NLRP1: variants seen among roughly 807,000 people sequenced by gnomAD.
NLRP1 encodes NLR family pyrin domain containing 1.
A neutral mutation model predicts 136.7 loss-of-function variants in NLRP1; 94 were observed. The observed-to-expected ratio is 0.69, with a 90% CI of 0.58 to 0.82. The LOEUF is 0.82. Among genes scored for constraint, NLRP1 ranks in the 40% least tolerant of loss-of-function variants. The probability of loss-of-function intolerance (pLI) is 0.00; values close to 1 mark genes in which losing one functional copy is unlikely to be tolerated. For missense variants in NLRP1, 1,575 were observed against 1,802.7 expected (o/e 0.87, Z 2.29); for synonymous variants, 690 against 725.1 (o/e 0.95, Z 0.78).
intron 8 of NLRP1, among the ~76,000 whole-genome samples, chr17:5,535,941 G>A (rs1178908349): frequency 3.3e-5 from 5 of 152,148 alleles, no homozygotes; most frequent in Admixed American, 3.3e-4. Flanking sequence ...GAGGGTGGTG[G>A]GTGACGGTGA....
At chr17:5,538,889 A>G (rs1261876412) in intron 7 of NLRP1, among the ~76,000 whole-genome samples, 1 of 151,978 alleles carries the variant, frequency 6.6e-6, no homozygotes, top group Non-Finnish European at 1.5e-5. Flanking sequence ...TAATTAATTA[A>G]TTAATTTTTG....
intron 3 of NLRP1, among the ~76,000 whole-genome samples, chr17:5,570,832 C>G (rs186812172): frequency 6.6e-6 from 1 of 152,140 alleles, no homozygotes; most frequent in South Asian, 2.1e-4. Context: ...AGGACAATAT[C>G]TGTGATGAAC....
At position 5,552,892 on chromosome 17, in the gene NLRP1, A is replaced by G. The variant is rs551617861; in HGVS notation, c.2528+494T>C. ...ATTTTTCATGTTGCAGCCAGTTTCT[A>G]TTTTGAAAATGTACTGATCTTGTCA... On this transcript the variant is annotated intron_variant, in intron 5 of 16. Coordinates refer to ENST00000572272, the MANE Select transcript of NLRP1 (RefSeq NM_033004.4). 5.3e-5 allele frequency among the ~76,000 whole-genome samples: 8 copies of G among 152,272 alleles called. No individual in the cohort carries two copies. The South Asian group carries it at 1.7e-3, about 32-fold the overall frequency.
At chr17:5,517,581 T>A (rs1908321042) in intron 15 of NLRP1, among the ~76,000 whole-genome samples, 165 bp downstream of exon 15, 1 of 152,010 alleles carries the variant, frequency 6.6e-6, no homozygotes, top group South Asian at 2.1e-4. Flanking sequence ...AGAGATGGGG[T>A]TTCACCATAT....
intron 4 of NLRP1, among the ~76,000 whole-genome samples, chr17:5,555,017 T>TCA (rs55705436): frequency 0.036 from 5,068 of 142,332 alleles, 119 homozygotes; most frequent in African/African-American, 0.054. Context: ...TGAGATCCCA[T>TCA]CACACACACA....
chr17:5,506,298 A>T (rs1256644801), intron 15 of NLRP1, among the ~76,000 whole-genome samples: 5 of 151,990 alleles, frequency 3.3e-5, no homozygotes, highest in Non-Finnish European at 7.4e-5. Context: ...AAAAAAAAAA[A>T]AAATCATCAA....
intron 12 of NLRP1, among the ~76,000 whole-genome samples, chr17:5,526,939 G>A (rs1031921649): frequency 5.3e-5 from 8 of 152,222 alleles, no homozygotes; most frequent in East Asian, 1.9e-4. Flanking sequence ...GTTCAGCGAC[G>A]ACAGTGATGA....
intron 3 of NLRP1, among the ~76,000 whole-genome samples, chr17:5,573,042 A>C (rs1904586238): frequency 6.6e-6 from 1 of 152,170 alleles, no homozygotes; most frequent in African/African-American, 2.4e-5. Flanking sequence ...GGGAAGTGCA[A>C]GGGGTCAGGG....
chr17:5,515,553 A>G (rs200341399), intron 15 of NLRP1, 36 bp from the exon 16 acceptor site: 2 of 1,544,998 alleles, frequency 1.3e-6, no homozygotes, highest in Non-Finnish European at 1.8e-6. Context: ...CATCTGAAAC[A>G]GTGCTAAGTT....
chr17:5,545,818 G>T (rs1010618762), intron 5 of NLRP1, among the ~76,000 whole-genome samples: 3 of 152,188 alleles, frequency 2.0e-5, no homozygotes, highest in African/African-American at 7.2e-5. Context: ...CTGGGTGGTC[G>T]GTTCTACCCA....
At chr17:5,505,158 A>G (rs550880781) in intron 15 of NLRP1, 1 of 152,260 alleles carries the variant, frequency 6.6e-6, no homozygotes, top group East Asian at 1.9e-4. Flanking sequence ...TTGATGGGAA[A>G]CCTGCAAGTG....
At chr17:5,561,435 T>G (rs1434050135) in intron 3 of NLRP1, among the ~76,000 whole-genome samples, 1 of 8,822 alleles carries the variant, frequency 1.1e-4, no homozygotes, top group Non-Finnish European at 2.5e-4. Flanking sequence ...GGTTTTTTTT[T>G]TTTTTTTTTT....
At chr17:5,582,925 C>G (rs1451894011) in intron 1 of NLRP1, 79 bp from the exon 2 acceptor site, 4 of 1,186,408 alleles carry the variant, frequency 3.4e-6, no homozygotes, top group Non-Finnish European at 4.7e-6. Context: ...CTGGTCTCCT[C>G]TCTCAACCAA....
chr17:5,539,402 C>T lies in NLRP1; in HGVS notation c.2870+13G>A, dbSNP rs1392882253. 7 of 1,607,066 alleles carry T rather than the reference C, an allele frequency of 4.4e-6. No individual in the cohort carries two copies. Among genetic ancestry groups the T allele is most frequent in the Non-Finnish European group, 5.1e-6 (6 of 1,176,658 alleles). The stretch of plus-strand genomic sequence containing the variant: ...CTCTTCCCTCTGCCCAGAAGGGACC[C>T]ACAGGGCCTTACCCCAGGCGTATGA... On this transcript the variant is annotated intron_variant, in intron 7 of 16. Transcript: ENST00000572272.
At chr17:5,581,721 G>T in intron 3 of NLRP1, 138 bp downstream of exon 3, 1 of 780,850 alleles carries the variant, frequency 1.3e-6, no homozygotes, top group Non-Finnish European at 2.3e-6. Flanking sequence ...GGCTCCAAGG[G>T]TGGGATTTCC....
intron 12 of NLRP1, among the ~76,000 whole-genome samples, chr17:5,523,879 T>C (rs1909210532): frequency 6.6e-6 from 1 of 152,230 alleles, no homozygotes; most frequent in South Asian, 2.1e-4. Context: ...TCTGAAAAAA[T>C]GAGGAAGAAT....
intron 3 of NLRP1, among the ~76,000 whole-genome samples, chr17:5,577,411 G>A (rs184588797): frequency 5.9e-5 from 9 of 152,248 alleles, no homozygotes; most frequent in African/African-American, 1.4e-4. Flanking sequence ...CAACTTCAGC[G>A]AAGTCTCAGG....
At chr17:5,525,290 C>T (rs1909388276) in intron 12 of NLRP1, among the ~76,000 whole-genome samples, 1 of 152,228 alleles carries the variant, frequency 6.6e-6, no homozygotes, top group South Asian at 2.1e-4. Context: ...ACTGCAATTC[C>T]AGAGCTTGTG....
At position 5,514,377 on chromosome 17, in the gene NLRP1, A is replaced by G. The variant is rs1907829102; in HGVS notation, c.*377T>C. The stretch of plus-strand genomic sequence containing the variant: ...ACGTGGCCTCCCACGCTGAACCCCA[A>G]TTTTGGGGCTCACCCTGTGACACAG... On this transcript the variant is annotated 3_prime_UTR_variant, in exon 17 of 17. Transcript: ENST00000572272. 2 of 1,076,502 alleles carry G rather than the reference A, an allele frequency of 1.9e-6. No homozygotes were observed. The highest frequency in any genetic ancestry group is 2.3e-6 in the Non-Finnish European group (2 of 884,538). The allele number at this position is 1,076,502 out of a possible 1,614,324, so 66.7% of individuals were successfully genotyped here. A position where few individuals can be genotyped will look rare whatever the true frequency, so the allele number is the denominator to read the frequency against.
Sources: allele counts gnomAD v4.1 joint callset (sites outside exome capture counted in the v4.1 genomes callset), GRCh38; gene constraint gnomAD v4.1.1; transcripts MANE v1.5; gene names NCBI Gene and HGNC (gene_info 2026-07-23, HGNC 2026-07-21).